The following NAT1 variants were observed in gnomAD, a reference collection of about 807,000 sequenced individuals.
The protein encoded by NAT1 is N-acetyltransferase 1, also known as arylamine N-acetyltransferase 1.
For missense variants in NAT1, 400 were observed against 339.2 expected (o/e 1.18, Z -1.41); for synonymous variants, 144 against 122.6 (o/e 1.17, Z -1.16).
At chr8:18,184,001 T>A (rs754774403) in intron 2 of NAT1, among the ~76,000 whole-genome samples, 2 of 152,106 alleles carry the variant, frequency 1.3e-5, no homozygotes, top group Non-Finnish European at 2.9e-5. Flanking sequence ...AGGCTGGCAG[T>A]GTATACTAGT....
At chr8:18,190,110 C>G (rs1160937682) in intron 2 of NAT1, among the ~76,000 whole-genome samples, 9 of 152,052 alleles carry the variant, frequency 5.9e-5, no homozygotes, top group Non-Finnish European at 7.4e-5. Context: ...ATTTTATATT[C>G]TAATATATGT....
chr8:18,193,850 G>A (rs1424018898), intron 2 of NAT1, among the ~76,000 whole-genome samples: 10 of 151,678 alleles, frequency 6.6e-5, no homozygotes, highest in African/African-American at 2.4e-4. Context: ...CATGTTGGCC[G>A]AGCTGGTCTT....
In NAT1 at chr8:18,223,092, C is replaced by T. The variant is rs1215470269; in HGVS notation, c.*172C>T. 3.2e-6 allele frequency: 1 copy of T among 312,922 alleles called. No individual in the cohort carries two copies. The highest frequency in any genetic ancestry group is 5.9e-6 in the Non-Finnish European group (1 of 168,556). 19.4% of individuals were successfully genotyped at this position (312,922 alleles called of 1,614,324 possible). Reference sequence around the variant, plus strand: ...ATAATTAAACAGCTTTTTAAAGAAACATAACCACAAACCTTTTCAAATAAT... The same window carrying T: ...ATAATTAAACAGCTTTTTAAAGAAATATAACCACAAACCTTTTCAAATAAT... On this transcript the variant is annotated 3_prime_UTR_variant, in exon 3 of 3. Coordinates refer to ENST00000307719, the MANE Select transcript of NAT1 (RefSeq NM_000662.8).
chr8:18,208,970 TTGTCGC>T (rs113568769), upstream of NAT1, among the ~76,000 whole-genome samples: 1,583 of 152,240 alleles, frequency 0.01, 24 homozygotes, highest in African/African-American at 0.035. Context: ...AGTGCAGGAG[TTGTCGC>T]GGGACAGTGA....
intron 2 of NAT1, among the ~76,000 whole-genome samples, chr8:18,221,179 C>T (rs1158827582): frequency 1.6e-4 from 24 of 152,100 alleles, no homozygotes; most frequent in Admixed American, 6.6e-4. Flanking sequence ...GTTTTTTGAA[C>T]GCTCAAGGCA....
intron 2 of NAT1, among the ~76,000 whole-genome samples, chr8:18,192,453 C>T (rs544817156): frequency 2.6e-5 from 4 of 152,192 alleles, no homozygotes; most frequent in Non-Finnish European, 4.4e-5. Context: ...GGATCTAGAA[C>T]TACAAATACC....
chr8:18,219,568 G>A, intron 2 of NAT1, 79 bp downstream of exon 2: 3 of 732,132 alleles, frequency 4.1e-6, no homozygotes, highest in Non-Finnish European at 6.8e-6. Context: ...TTATATTTAT[G>A]ATCAAGATGA....
At chr8:18,209,287 C>G (rs1164528005), upstream of NAT1, among the ~76,000 whole-genome samples, 1 of 152,202 alleles carries the variant, frequency 6.6e-6, no homozygotes. Flanking sequence ...TGTTCTAGAA[C>G]AGTAGGTGCC....
At chr8:18,185,953 T>G (rs2117237613) in intron 2 of NAT1, among the ~76,000 whole-genome samples, 1 of 152,296 alleles carries the variant, frequency 6.6e-6, no homozygotes. Context: ...ATTTAGAAAG[T>G]TTAAGTCCTC....
chr8:18,200,097 T>G, intron 2 of NAT1, among the ~76,000 whole-genome samples: 1 of 152,176 alleles, frequency 6.6e-6, no homozygotes, highest in South Asian at 2.1e-4. Context: ...CTGGTGGGAA[T>G]GTAAGTTAGT....
chr8:18,178,061 TATTAG>T (rs1802359654), intron 2 of NAT1, among the ~76,000 whole-genome samples: 1 of 152,014 alleles, frequency 6.6e-6, no homozygotes, highest in Admixed American at 6.6e-5. Flanking sequence ...TAAAAGGCAT[TATTAG>T]GTCACATGAT....
intron 2 of NAT1, among the ~76,000 whole-genome samples, chr8:18,172,191 G>A (rs1802120788): frequency 6.6e-6 from 1 of 152,152 alleles, no homozygotes; most frequent in Admixed American, 6.5e-5. Flanking sequence ...AATGCTTTGT[G>A]TTAATGGGTC....
At chr8:18,203,720 T>C (rs2117300932) in intron 2 of NAT1, among the ~76,000 whole-genome samples, 1 of 152,322 alleles carries the variant, frequency 6.6e-6, no homozygotes, top group Middle Eastern at 3.4e-3. Context: ...CCCTACCCTT[T>C]ATAGCCGTCC....
At chr8:18,195,650 A>C (rs1011784349) in intron 2 of NAT1, among the ~76,000 whole-genome samples, 12 of 152,308 alleles carry the variant, frequency 7.9e-5, no homozygotes, top group African/African-American at 2.6e-4. Context: ...TGGAAAGTAC[A>C]TAAAGATATA....
intron 2 of NAT1, among the ~76,000 whole-genome samples, chr8:18,180,113 TG>T (rs1349033224): frequency 1.3e-5 from 2 of 150,256 alleles, no homozygotes; most frequent in Non-Finnish European, 3.0e-5. Context: ...GAAGGAGAAT[TG>T]GGGGAGCTAG....
At chr8:18,221,858 G>C in intron 2 of NAT1, 184 bp from the exon 3 acceptor site, 1 of 548,202 alleles carries the variant, frequency 1.8e-6, no homozygotes, top group South Asian at 3.4e-5. Flanking sequence ...TTTCTCACAG[G>C]ATTCTGGGAC....
rs1314536487 is a variant in NAT1 at position 18,194,317 on chromosome 8, G to A, written n.93-15464G>A. On this transcript the variant is annotated intron_variant and non_coding_transcript_variant, in intron 2 of 4. Transcript: ENST00000517441. The stretch of plus-strand genomic sequence containing the variant: ...GTAGGGGAGAGGGTGAGGTGGCATA[G>A]CCTCAGTGATTTAAATCTTTTTAGT... Among the ~76,000 whole-genome samples the A allele has an allele frequency of 2.0e-5, 3 of 152,190 alleles. No individual in the cohort carries two copies. In the East Asian group the frequency reaches 5.8e-4, roughly 29 times the overall value.
rs371493121 is a variant in NAT1 at position 18,182,243 on chromosome 8, T to C, written n.92+11504T>C. ...CATTTGATGTTCCTGTGGGGGGTGA[T>C]TGACAGAAGGCCTGTTCAGCTATTT... On this transcript the variant is annotated intron_variant and non_coding_transcript_variant, in intron 2 of 4. Coordinates refer to the NAT1 transcript ENST00000517441. Among the ~76,000 whole-genome samples the C allele has an allele frequency of 2.6e-5, 4 of 152,204 alleles. No individual in the cohort carries two copies. In the East Asian group the frequency reaches 5.8e-4, roughly 22 times the overall value.
At chr8:18,195,987 T>C (rs1425165628) in intron 2 of NAT1, among the ~76,000 whole-genome samples, 2 of 152,152 alleles carry the variant, frequency 1.3e-5, no homozygotes, top group Non-Finnish European at 2.9e-5. Flanking sequence ...TGCACTTTTA[T>C]GGGGTACACA....
Sources: gnomAD v4.1 joint callset for allele counts (sites outside exome capture counted in the v4.1 genomes callset) on GRCh38, gnomAD v4.1.1 for gene constraint, MANE v1.5 for transcripts, NCBI Gene and HGNC (gene_info 2026-07-23, HGNC 2026-07-21) for gene names.